The following FXYD6 variants were observed in gnomAD, a reference collection of about 807,000 sequenced individuals.
The protein encoded by FXYD6 is FXYD domain containing ion transport regulator 6, also known as FXYD domain-containing ion transport regulator 6.
FXYD6 carries 7 observed loss-of-function variants against 16.7 expected under a neutral mutation model. That is an observed-to-expected ratio of 0.42 (90% CI 0.24 to 0.79). The LOEUF (loss-of-function observed/expected upper bound fraction) is 0.79, where lower values mean the gene tolerates loss of function less well. Among genes scored for constraint, FXYD6 ranks in the 30% least tolerant of loss-of-function variants. FXYD6 has a pLI of 0.28. For synonymous variants in FXYD6, 49 were observed against 43.0 expected (o/e 1.14, Z -0.54); for missense variants, 111 against 116.2 (o/e 0.95, Z 0.21).
chr11:117,858,723 CCCTTCCTTCCTTCCTTCCTT>C (rs761682132), intron 1 of FXYD6, among the ~76,000 whole-genome samples: 1 of 41,204 alleles, frequency 2.4e-5, no homozygotes, highest in African/African-American at 9.0e-5. Flanking sequence ...CTCCTTCCTT[CCCTTCCTTCCTTCCTTCCTT>C]CCTTCCTTCC....
chr11:117,862,669 A>G (rs2056933219), intron 1 of FXYD6, among the ~76,000 whole-genome samples: 1 of 152,076 alleles, frequency 6.6e-6, no homozygotes, highest in East Asian at 1.9e-4. Context: ...GCCTCCCACA[A>G]AGGGCCCCTT....
At chr11:117,838,813 C>T (rs1314479478) in intron 7 of FXYD6, 1 of 162,988 alleles carries the variant, frequency 6.1e-6, no homozygotes, top group Non-Finnish European at 1.4e-5. Context: ...TGCAAAAGCA[C>T]TTAGGAAAGA....
rs2056336983 is a variant in FXYD6, at chr11:117,841,272, A to T, written c.173-88T>A. 21 of 1,581,842 alleles carry T rather than the reference A, an allele frequency of 1.3e-5. 1 individual carries two copies. The South Asian group carries it at 2.4e-4, about 18-fold the overall frequency. Reference sequence around the variant, plus strand: ...CTGTGCAGGTTGTGGGACTATGTAAATGGCACCCCCTAGACCTGGGCAGTG... The same window carrying T: ...CTGTGCAGGTTGTGGGACTATGTAATTGGCACCCCCTAGACCTGGGCAGTG... On this transcript the variant is annotated intron_variant, in intron 4 of 7. Transcript: ENST00000526014.
At chr11:117,840,267 G>T (rs768369319) in intron 6 of FXYD6, 52 bp downstream of exon 6, 1 of 1,607,720 alleles carries the variant, frequency 6.2e-7, no homozygotes, top group African/African-American at 1.3e-5. Flanking sequence ...AGCCACAGAG[G>T]GGTCTCTCTG....
At chr11:117,864,711 C>T (rs563847911) in intron 1 of FXYD6, among the ~76,000 whole-genome samples, 3 of 152,218 alleles carry the variant, frequency 2.0e-5, no homozygotes, top group Non-Finnish European at 4.4e-5. Context: ...CTCTGCTTCC[C>T]GAGTAGCTGG....
rs1432514448 is a variant in FXYD6 at position 117,839,805 on chromosome 11, G to A, written c.285C>T (p.Asn95=). The A allele has an allele frequency of 1.9e-6, 3 of 1,614,214 alleles. No homozygotes were observed. The change falls in exon 7 of 8, where the codon AAC becomes AAT. Residue 95 remains asparagine (N), a synonymous_variant. Transcript: ENST00000526014. The part of the protein sequence containing the change: ...ANATEPQKAE[N] ...CCTTCCACCTGATGGCTGCACTTCA[G>A]TTCTCTGCTTTCTGGGGCTCTGTTG...
intron 6 of FXYD6, chr11:117,840,077 A>G (rs578147435): frequency 1.6e-6 from 1 of 641,080 alleles, no homozygotes; most frequent in African/African-American, 1.8e-5. Flanking sequence ...CTGTGTGCCC[A>G]TTAAATGATA....
intron 1 of FXYD6, among the ~76,000 whole-genome samples, chr11:117,871,064 G>T (rs1273281830): frequency 6.6e-6 from 1 of 152,106 alleles, no homozygotes; most frequent in African/African-American, 2.4e-5. Context: ...TTCCTCCATT[G>T]CCTCATTTCT....
At chr11:117,856,755 G>A (rs2056737152) in intron 1 of FXYD6, among the ~76,000 whole-genome samples, 1 of 152,220 alleles carries the variant, frequency 6.6e-6, no homozygotes, top group South Asian at 2.1e-4. Flanking sequence ...ACCAGATGGA[G>A]TTAGCATCAC....
At chr11:117,876,807 C>G (rs377460676), upstream of FXYD6, 1 of 152,412 alleles carries the variant, frequency 6.6e-6, no homozygotes. Flanking sequence ...CTCCGTGCTG[C>G]CGTCCGCTGG....
intron 1 of FXYD6, among the ~76,000 whole-genome samples, chr11:117,855,056 A>G (rs1182288583): frequency 6.6e-6 from 1 of 152,202 alleles, no homozygotes; most frequent in East Asian, 1.9e-4. Flanking sequence ...CTAGTGTAAG[A>G]TATCTTCCAA....
At chr11:117,842,893 T>G in intron 1 of FXYD6, 112 bp from the exon 2 acceptor site, 1 of 1,127,254 alleles carries the variant, frequency 8.9e-7, no homozygotes, top group Non-Finnish European at 1.3e-6. Context: ...TGCTCTGCAC[T>G]CATGACTTGG....
At chr11:117,873,046 G>T (rs370785492) in intron 1 of FXYD6, among the ~76,000 whole-genome samples, 1 of 152,004 alleles carries the variant, frequency 6.6e-6, no homozygotes, top group Non-Finnish European at 1.5e-5. Context: ...CCCAACCGCC[G>T]CCCGCCTCCA....
intron 1 of FXYD6, among the ~76,000 whole-genome samples, chr11:117,867,947 A>G (rs989799949): frequency 6.6e-6 from 1 of 152,150 alleles, no homozygotes; most frequent in African/African-American, 2.4e-5. Context: ...TAGCCAAGGT[A>G]TCGGTAATTT....
Position 117,872,340 on chromosome 11 carries a change from C to T in FXYD6, c.-6+4252G>A, listed in dbSNP as rs1256462669. On this transcript the variant is annotated intron_variant, in intron 1 of 7. Coordinates refer to ENST00000526014, the MANE Select transcript of FXYD6 (RefSeq NM_022003.4). This position sits in a 1 kb window ranked among gnomAD's most constrained non-coding sequence, Gnocchi z 4.9. ...GGCTCTTCCTATGGAGGAAGAAAGTCGCAGGGCCTCCTGGTAGGATGTGGA... is the reference window on the plus strand; with the variant it reads ...GGCTCTTCCTATGGAGGAAGAAAGTTGCAGGGCCTCCTGGTAGGATGTGGA... 1.3e-5 allele frequency among the ~76,000 whole-genome samples: 2 copies of T among 152,054 alleles called. No individual in the cohort carries two copies. Among genetic ancestry groups the T allele is most frequent in the Admixed American group, 6.5e-5 (1 of 15,274 alleles).
At chr11:117,840,782 ACTGTGTCGCAGGTC>A (rs1395227344) in intron 5 of FXYD6, among the ~76,000 whole-genome samples, 1 of 152,006 alleles carries the variant, frequency 6.6e-6, no homozygotes. Flanking sequence ...ACAAGTGGGG[ACTGTGTCGCAGGTC>A]CTGTAGAGAG....
chr11:117,857,835 T>A (rs1198610108), intron 1 of FXYD6, among the ~76,000 whole-genome samples: 4 of 152,140 alleles, frequency 2.6e-5, no homozygotes, highest in Admixed American at 2.6e-4. Context: ...CCCCGAAGGC[T>A]TTTTAAGGCC....
intron 1 of FXYD6, among the ~76,000 whole-genome samples, chr11:117,846,708 T>C (rs1046867396): frequency 2.0e-5 from 3 of 152,206 alleles, no homozygotes; most frequent in East Asian, 1.9e-4. Context: ...CTGGGCTATC[T>C]CTTTGGGTCT....
At chr11:117,852,626 G>T (rs924676007) in intron 1 of FXYD6, among the ~76,000 whole-genome samples, 1 of 152,078 alleles carries the variant, frequency 6.6e-6, no homozygotes, top group Non-Finnish European at 1.5e-5. Flanking sequence ...ACTGATTGTC[G>T]TGAGTTTCAT....
Sources: gnomAD v4.1 joint callset for allele counts (sites outside exome capture counted in the v4.1 genomes callset) on GRCh38, gnomAD v4.1.1 for gene constraint, Gnocchi (gnomAD v3.1) non-coding constraint, MANE v1.5 for transcripts, NCBI Gene and HGNC (gene_info 2026-07-23, HGNC 2026-07-21) for gene names.